UNC80: variants seen among roughly 807,000 people sequenced by gnomAD.
UNC80 encodes the protein unc-80 subunit of NALCN channel complex.
In UNC80, 164 loss-of-function variants were observed where a neutral mutation model predicts 384.6. The observed-to-expected ratio is 0.43, with a 90% CI of 0.38 to 0.49. UNC80 has a LOEUF of 0.49. Among genes scored for constraint, UNC80 ranks in the 20% least tolerant of loss-of-function variants. The pLI, the probability that UNC80 is intolerant of heterozygous loss-of-function variation, is 0.00. For missense variants in UNC80, 3,330 were observed against 4,143.0 expected, an observed-to-expected ratio of 0.80 and a Z score of 5.39; for synonymous variants, 1,486 against 1,527.8, an observed-to-expected ratio of 0.97 and a Z score of 0.64.
chr2:209,891,545 T>G (rs1472771187), intron 26 of UNC80, among the ~76,000 whole-genome samples: 2 of 152,110 alleles, frequency 1.3e-5, no homozygotes, highest in African/African-American at 4.8e-5. Context: ...ATTTACACCA[T>G]TTTATAAAAT....
chr2:209,829,174 A>G (rs1195401949), intron 14 of UNC80, 58 bp from the exon 15 acceptor site: 3 of 1,539,272 alleles, frequency 1.9e-6, no homozygotes, highest in Non-Finnish European at 2.6e-6. Context: ...TCAGACTACC[A>G]GTATCCATAG....
intron 42 of UNC80, among the ~76,000 whole-genome samples, chr2:209,937,972 G>A (rs1355844553): frequency 1.3e-5 from 2 of 151,958 alleles, no homozygotes; most frequent in Non-Finnish European, 2.9e-5. Context: ...ATGTAGCTAT[G>A]TAAATTATCC....
Position 209,888,146 on chromosome 2 carries a change from T to G in UNC80, c.4162T>G (p.Tyr1388Asp). 6.4e-7 allele frequency: 1 copy of G among 1,551,580 alleles called. No individual in the cohort carries two copies. The highest frequency in any genetic ancestry group is 8.7e-7 in the Non-Finnish European group (1 of 1,146,972). Residue 1388 changes from tyrosine (Y) to aspartate (D), a missense_variant, in exon 26 of 65, where the codon TAT (tyrosine) becomes GAT (aspartate). Transcript: ENST00000673920. ...RLDPELDRHR[Y>D]ERKISFAGVL... ...GGATCCCGAGTTGGACCGGCACAGA[T>G]ATGAGAGGAAGATCAGCTTTGCTGG...
At chr2:209,875,976 G>A (rs986373984) in intron 23 of UNC80, among the ~76,000 whole-genome samples, 6 of 152,070 alleles carry the variant, frequency 3.9e-5, no homozygotes, top group Non-Finnish European at 5.9e-5. Flanking sequence ...TCCATCATCC[G>A]AGTAGGGCAC....
In UNC80 at chr2:209,954,271, G is replaced by T; in HGVS notation, c.7457+1G>T. ...TGTACAGTGTAGAGGTCCTCACCAGGTAATCCCATTGGCAGAAATAGCTAC... is the reference window on the plus strand; with the variant it reads ...TGTACAGTGTAGAGGTCCTCACCAGTTAATCCCATTGGCAGAAATAGCTAC... On this transcript the variant is annotated splice_donor_variant, in intron 48 of 64. Coordinates refer to ENST00000673920, the MANE Select transcript of UNC80 (RefSeq NM_001371986.1). LOFTEE classifies it high-confidence loss of function. The T allele has an allele frequency of 6.8e-7, 1 of 1,479,644 alleles. No homozygotes were observed. Among genetic ancestry groups the T allele is most frequent in the Non-Finnish European group, 9.0e-7 (1 of 1,112,090 alleles). The allele number at this position is 1,479,644 out of a possible 1,614,324, so 91.7% of individuals were successfully genotyped here.
In UNC80 at chr2:209,786,096, G is replaced by A. The variant is rs747816909; in HGVS notation, c.631G>A (p.Gly211Arg). 1 of 1,613,976 alleles carries A rather than the reference G, an allele frequency of 6.2e-7. No individual in the cohort carries two copies. The highest frequency in any genetic ancestry group is 1.3e-5 in the African/African-American group (1 of 75,012). The change falls in exon 5 of 65, where the codon GGG becomes AGG. Residue 211 changes from glycine (G) to arginine (R), a missense_variant. Physicochemically the swap from Gly to Arg is moderately radical, Grantham distance 125. This residue lies in a region of UNC80 where 937 missense variants were observed against 1,026.8 expected (regional missense o/e 0.91). Transcript: ENST00000673920. The stretch of plus-strand genomic sequence containing the variant: ...TGACCTCACCTTCCGTCTGGCCAGT[G>A]GGCTTGTTATATGGCAGCCCATGTG... ...ESDLTFRLAS[G>R]LVIWQPMWEH...
At chr2:209,877,661 A>G (rs1461628785) in intron 23 of UNC80, among the ~76,000 whole-genome samples, 1 of 152,216 alleles carries the variant, frequency 6.6e-6, no homozygotes, top group African/African-American at 2.4e-5. Context: ...TCTATAAAAT[A>G]AATAACCTTT....
intron 20 of UNC80, among the ~76,000 whole-genome samples, chr2:209,841,928 A>G (rs2081788509): frequency 6.6e-6 from 1 of 152,242 alleles, no homozygotes; most frequent in Non-Finnish European, 1.5e-5. Context: ...AGTACACTCT[A>G]TAAATTACCT....
Position 209,995,391 on chromosome 2 carries a change from T to C in UNC80, c.9771T>C (p.Thr3257=). The C allele has an allele frequency of 6.4e-7, 1 of 1,552,110 alleles. No homozygotes were observed. Among genetic ancestry groups the C allele is most frequent in the Non-Finnish European group, 8.7e-7 (1 of 1,147,084 alleles). Residue 3257 remains threonine, a synonymous_variant, in exon 65 of 65, where the codon ACT becomes ACC. Coordinates refer to ENST00000673920, the MANE Select transcript of UNC80 (RefSeq NM_001371986.1). ...AGGACACAGAAGCACAAGGTGCTAC[T>C]GCACACAGTCCACTCTCTGCCCAAC... ...KEEDTEAQGA[T]AHSPLSAQLS...
chr2:209,939,079 G>GA (rs1166905527), intron 42 of UNC80, among the ~76,000 whole-genome samples: 3 of 152,080 alleles, frequency 2.0e-5, no homozygotes, highest in African/African-American at 7.2e-5. Flanking sequence ...GAACTCCCAG[G>GA]AAACAGCTTC....
At chr2:209,900,698 C>T (rs2087298995) in intron 28 of UNC80, among the ~76,000 whole-genome samples, 1 of 152,158 alleles carries the variant, frequency 6.6e-6, no homozygotes, top group Admixed American at 6.6e-5. Flanking sequence ...AGCCAAGATG[C>T]ACTGAAAGTT....
rs1012957123 is a variant in UNC80, at chr2:209,827,587, T to C, written c.2478+1534T>C. Among the ~76,000 whole-genome samples the C allele has an allele frequency of 1.6e-4, 24 of 152,300 alleles. No individual in the cohort carries two copies. In the East Asian group the frequency reaches 4.6e-3, roughly 29 times the overall value. On this transcript the variant is annotated intron_variant, in intron 14 of 64. Coordinates refer to ENST00000673920, the MANE Select transcript of UNC80 (RefSeq NM_001371986.1). Reference sequence around the variant, plus strand: ...ATGGGATAATTCCTCTATTATCTCCTTCTGTTTAATGCTCATTATTGATAT... The same window carrying C: ...ATGGGATAATTCCTCTATTATCTCCCTCTGTTTAATGCTCATTATTGATAT...
chr2:209,931,826 A>G (rs1229534077), intron 38 of UNC80, among the ~76,000 whole-genome samples: 1 of 152,190 alleles, frequency 6.6e-6, no homozygotes, highest in Non-Finnish European at 1.5e-5. Context: ...CAAAGGAAAA[A>G]AATATGAATA....
chr2:209,982,940 A>ATG (rs1559438620), intron 60 of UNC80: 2 of 47,528 alleles, frequency 4.2e-5, no homozygotes, highest in African/African-American at 6.2e-5. Flanking sequence ...AAAACTTCCC[A>ATG]TGTATATATA....
chr2:209,960,057 C>A (rs1468018585), intron 51 of UNC80, among the ~76,000 whole-genome samples: 2 of 152,184 alleles, frequency 1.3e-5, no homozygotes, highest in Admixed American at 6.5e-5. Flanking sequence ...GAATTTTTCA[C>A]AAGAATTGAA....
chr2:209,849,851 C>CT (rs1308161767), intron 22 of UNC80, among the ~76,000 whole-genome samples: 3 of 152,086 alleles, frequency 2.0e-5, no homozygotes, highest in Non-Finnish European at 4.4e-5. Context: ...ATCAGACTGA[C>CT]TGAGTTAAAA....
At chr2:209,948,209 A>C (rs1047635712) in intron 47 of UNC80, among the ~76,000 whole-genome samples, 1 of 152,132 alleles carries the variant, frequency 6.6e-6, no homozygotes. Context: ...CTGCTGGGCT[A>C]AGTCATGGAC....
chr2:209,872,831 A>G lies in UNC80; in HGVS notation c.3701A>G (p.Asn1234Ser), dbSNP rs1223550841. 1.9e-6 allele frequency: 3 copies of G among 1,542,262 alleles called. No homozygotes were observed. The highest frequency in any genetic ancestry group is 2.8e-5 in the African/African-American group (2 of 72,594). The change falls in exon 23 of 65, where the codon AAC becomes AGC. Residue 1234 changes from asparagine to serine, a missense_variant. Transcript: ENST00000673920. The surrounding 1 kb of genome is among the most constrained non-coding windows in gnomAD (Gnocchi z 4.1). ...ARFVHRCNRG[N>S]WPEWMKGHHV... ...TTTGTTCACCGCTGCAACCGTGGCAACTGGCCAGAGTGGATGAAAGGGCAC... is the reference window on the plus strand; with the variant it reads ...TTTGTTCACCGCTGCAACCGTGGCAGCTGGCCAGAGTGGATGAAAGGGCAC...
chr2:209,995,348 A>C lies in UNC80; in HGVS notation c.9728A>C (p.Glu3243Ala), dbSNP rs1453037786. Residue 3243 changes from glutamate to alanine, a missense_variant, in exon 65 of 65, where the codon GAA (glutamate) becomes GCA (alanine). Transcript: ENST00000673920. ...SPKQSENFPT[E>A]EGEKEEDTEA... ...TCACAGAGTGAGAACTTCCCCACTG[A>C]AGAAGGAGAAAAGGAGGAGGACACA... 1 of 1,552,090 alleles carries C rather than the reference A, an allele frequency of 6.4e-7. No homozygotes were observed. The highest frequency in any genetic ancestry group is 1.4e-5 in the African/African-American group (1 of 73,050).
Sources: gnomAD v4.1 joint callset for allele counts (sites outside exome capture counted in the v4.1 genomes callset) on GRCh38, gnomAD v4.1.1 for gene constraint, gnomAD v4.1.1 regional missense constraint, Gnocchi (gnomAD v3.1) non-coding constraint, MANE v1.5 for transcripts, NCBI Gene and HGNC (gene_info 2026-07-23, HGNC 2026-07-21) for gene names.